RNF115: variants seen among roughly 807,000 people sequenced by gnomAD.
RNF115 encodes the protein ring finger protein 115.
Under a neutral mutation model 39.2 loss-of-function variants are expected in RNF115, and 31 were observed. That is an observed-to-expected ratio of 0.79 (90% confidence interval 0.59 to 1.07). The LOEUF (loss-of-function observed/expected upper bound fraction) is 1.07, where lower values mean the gene tolerates loss of function less well. Among genes scored for constraint, RNF115 ranks in the 50% least tolerant of loss-of-function variants. The pLI, the probability that RNF115 is intolerant of heterozygous loss-of-function variation, is 0.00. For synonymous variants in RNF115, 124 were observed against 131.0 expected (o/e 0.95, Z 0.37); for missense variants, 384 against 381.7 (o/e 1.01, Z -0.05).
At chr1:145,791,039 G>A (rs587710307) in intron 1 of RNF115, among the ~76,000 whole-genome samples, 1 of 152,130 alleles carries the variant, frequency 6.6e-6, no homozygotes, top group African/African-American at 2.4e-5. Context: ...TTACTTGGGA[G>A]GCTGAGGCAG....
intron 1 of RNF115, among the ~76,000 whole-genome samples, chr1:145,792,132 C>G (rs376972943): frequency 6.6e-6 from 1 of 152,054 alleles, no homozygotes; most frequent in African/African-American, 2.4e-5. Context: ...CCTGGCTGGT[C>G]TGAAAGAACT....
At chr1:145,781,900 C>CT (rs34615861) in intron 3 of RNF115, among the ~76,000 whole-genome samples, 13,686 of 135,486 alleles carry the variant, frequency 0.1, 780 homozygotes, top group African/African-American at 0.15. Flanking sequence ...TACACTTTTC[C>CT]TTTTTTTTTT....
intron 3 of RNF115, among the ~76,000 whole-genome samples, chr1:145,775,456 C>T (rs1340547371): frequency 1.3e-5 from 2 of 149,606 alleles, no homozygotes; most frequent in Admixed American, 6.7e-5. Flanking sequence ...AGTGCAACGC[C>T]GTGATCATGG....
chr1:145,752,977 C>A lies in RNF115; in HGVS notation c.500+1G>T. On this transcript the variant is annotated splice_donor_variant, in intron 5 of 8. Coordinates refer to ENST00000582693, the MANE Select transcript of RNF115 (RefSeq NM_014455.4). LOFTEE classifies it high-confidence loss of function. ...AAGATAGAAAACAATTAGTTACTTACCAGGAAAAAGGGTGTGGAGATCCAG... is the reference window on the plus strand; with the variant it reads ...AAGATAGAAAACAATTAGTTACTTAACAGGAAAAAGGGTGTGGAGATCCAG... 6.3e-7 allele frequency: 1 copy of A among 1,587,824 alleles called. No homozygotes were observed. The highest frequency in any genetic ancestry group is 8.6e-7 in the Non-Finnish European group (1 of 1,156,662).
In RNF115 at chr1:145,740,595, A is replaced by T. The variant is rs903788830; in HGVS notation, c.*6271T>A. 1 of 152,260 alleles carries T rather than the reference A, an allele frequency of 6.6e-6. No individual in the cohort carries two copies. The highest frequency in any genetic ancestry group is 2.4e-5 in the African/African-American group (1 of 41,462). 9.4% of individuals were successfully genotyped at this position (152,260 alleles called of 1,614,324 possible). On this transcript the variant is annotated 3_prime_UTR_variant, in exon 9 of 9. Transcript: ENST00000582693. ...ATCTTAGCCCCAATCTGTATGAGTGATTCACAAACACGGGTTTTGAACCTG... is the reference window on the plus strand; with the variant it reads ...ATCTTAGCCCCAATCTGTATGAGTGTTTCACAAACACGGGTTTTGAACCTG...
chr1:145,783,832 T>TA (rs1226019786), intron 3 of RNF115, among the ~76,000 whole-genome samples: 16 of 149,036 alleles, frequency 1.1e-4, no homozygotes, highest in African/African-American at 2.2e-4. Flanking sequence ...TTTCTTTTTT[T>TA]AAAAAAAAAA....
chr1:145,805,297 T>C (rs1649414098), intron 1 of RNF115, among the ~76,000 whole-genome samples: 2 of 152,124 alleles, frequency 1.3e-5, no homozygotes, highest in Admixed American at 1.3e-4. Flanking sequence ...CCACTGACCA[T>C]TGGATTAAGA....
At chr1:145,763,636 T>C (rs587764678) in intron 4 of RNF115, among the ~76,000 whole-genome samples, 1 of 150,926 alleles carries the variant, frequency 6.6e-6, no homozygotes, top group South Asian at 2.1e-4. Flanking sequence ...GAAGCAGAGG[T>C]TGCAGTGAGC....
At chr1:145,815,595 G>T (rs587598562) in intron 1 of RNF115, among the ~76,000 whole-genome samples, 1 of 151,648 alleles carries the variant, frequency 6.6e-6, no homozygotes, top group Non-Finnish European at 1.5e-5. Flanking sequence ...GTACTACCCA[G>T]TCATTCATCA....
intron 3 of RNF115, among the ~76,000 whole-genome samples, chr1:145,777,214 G>A (rs1280524727): frequency 6.6e-6 from 1 of 152,108 alleles, no homozygotes; most frequent in African/African-American, 2.4e-5. Context: ...GTAACCATTA[G>A]TTTCATTATA....
In RNF115 at chr1:145,784,560, G is replaced by C; in HGVS notation, c.198C>G (p.Thr66=). The C allele has an allele frequency of 6.2e-7, 1 of 1,613,746 alleles. No homozygotes were observed. The highest frequency in any genetic ancestry group is 1.7e-5 in the Admixed American group (1 of 59,972). The change falls in exon 3 of 9, where the codon ACC becomes ACG. Residue 66 remains threonine, a synonymous_variant. Coordinates refer to ENST00000582693, the MANE Select transcript of RNF115 (RefSeq NM_014455.4). ...TTACCTCTGCAAAATGTGTTGTTGT[G>C]GTATTGTCTATCCGACTGCCGCCAC... ...LGGGGSRIDN[T]TTTHFAELWG...
intron 1 of RNF115, among the ~76,000 whole-genome samples, chr1:145,796,102 G>C (rs587747365): frequency 1.3e-5 from 2 of 152,224 alleles, no homozygotes; most frequent in Admixed American, 1.3e-4. Flanking sequence ...ATACTCTAAA[G>C]TTATTATATT....
intron 1 of RNF115, among the ~76,000 whole-genome samples, chr1:145,794,845 G>A (rs1018146790): frequency 6.6e-6 from 1 of 151,668 alleles, no homozygotes; most frequent in South Asian, 2.1e-4. Context: ...GTGAAACCCT[G>A]TCTCTACTAA....
chr1:145,812,882 A>C, intron 1 of RNF115, among the ~76,000 whole-genome samples: 1 of 147,066 alleles, frequency 6.8e-6, no homozygotes, highest in African/African-American at 2.5e-5. Flanking sequence ...CTGCCTCCCA[A>C]AGTGCTGGGA....
chr1:145,816,627 T>C (rs1311883127), intron 1 of RNF115, among the ~76,000 whole-genome samples: 3 of 135,330 alleles, frequency 2.2e-5, no homozygotes, highest in African/African-American at 7.6e-5. Context: ...ATTGAATGGG[T>C]GAAGAAACCT....
chr1:145,808,691 C>T (rs782362527), intron 1 of RNF115, among the ~76,000 whole-genome samples: 5 of 152,114 alleles, frequency 3.3e-5, no homozygotes, highest in Non-Finnish European at 5.9e-5. Context: ...ATCCAAATAA[C>T]TAATTTTTTT....
At chr1:145,766,703 C>A (rs1422795757) in intron 4 of RNF115, among the ~76,000 whole-genome samples, 1 of 118,498 alleles carries the variant, frequency 8.4e-6, no homozygotes, top group African/African-American at 3.2e-5. Context: ...CCGGACGGGG[C>A]GGCTGTCCGG....
intron 1 of RNF115, among the ~76,000 whole-genome samples, chr1:145,813,072 G>A (rs1156605606): frequency 8.7e-5 from 13 of 149,448 alleles, no homozygotes; most frequent in East Asian, 1.9e-4. Flanking sequence ...CTTCTAATAC[G>A]GTAATGGCCC....
rs782487338 is a variant in RNF115, at chr1:145,752,988, G to A, written c.490C>T (p.Pro164Ser). 6 of 1,602,894 alleles carry A rather than the reference G, an allele frequency of 3.7e-6. No homozygotes were observed. In the Admixed American group the frequency reaches 1.0e-4, roughly 27 times the overall value. ...ANSAIPGSPH[P>S]FSWSGMLHSN... Reference sequence around the variant, plus strand: ...CAATTAGTTACTTACCAGGAAAAAGGGTGTGGAGATCCAGGAATGGCAGAA... The same window carrying A: ...CAATTAGTTACTTACCAGGAAAAAGAGTGTGGAGATCCAGGAATGGCAGAA... The change falls in exon 5 of 9, where the codon CCT (proline) becomes TCT (serine). Residue 164 changes from proline to serine, a missense_variant. Physicochemically the swap from Pro to Ser is moderately conservative, Grantham distance 74 (BLOSUM62 -1). Coordinates refer to ENST00000582693, the MANE Select transcript of RNF115 (RefSeq NM_014455.4).
Sources: gnomAD v4.1 joint callset for allele counts (sites outside exome capture counted in the v4.1 genomes callset) on GRCh38, gnomAD v4.1.1 for gene constraint, MANE v1.5 for transcripts, NCBI Gene and HGNC (gene_info 2026-07-23, HGNC 2026-07-21) for gene names.